RARB: variants seen among roughly 807,000 people sequenced by gnomAD.
RARB encodes the protein retinoic acid receptor beta.
In RARB, 17 loss-of-function variants were observed where a neutral mutation model predicts 51.9. The observed-to-expected ratio is 0.33, with a 90% CI of 0.22 to 0.49. The LOEUF is 0.49. RARB is among the 20% of genes least tolerant of loss of function. The pLI is 0.99. For synonymous variants in RARB, 215 were observed against 195.4 expected (o/e 1.10, Z -0.84); for missense variants, 369 against 550.8 (o/e 0.67, Z 3.30).
At chr3:25,507,307 CT>C (rs78358382) in intron 3 of RARB, among the ~76,000 whole-genome samples, 63,620 of 152,018 alleles carry the variant, frequency 0.42, 16,511 homozygotes, top group South Asian at 0.64. Context: ...TTCTCCCTGG[CT>C]TTACTTTCTG....
At chr3:25,437,885 T>G (rs1559401787) in intron 1 of RARB, among the ~76,000 whole-genome samples, 1 of 152,228 alleles carries the variant, frequency 6.6e-6, no homozygotes, top group Non-Finnish European at 1.5e-5. Context: ...ATGGGTTTGA[T>G]TCTATTGGAT....
At chr3:24,911,228 A>G (rs968954116) in intron 2 of RARB, among the ~76,000 whole-genome samples, 53 of 152,222 alleles carry the variant, frequency 3.5e-4, no homozygotes, top group African/African-American at 3.1e-4. Context: ...TGTAGTACTC[A>G]GTAAAAGAGA....
chr3:25,119,230 T>C (rs1398429469), intron 3 of RARB, among the ~76,000 whole-genome samples: 1 of 152,136 alleles, frequency 6.6e-6, no homozygotes, highest in Non-Finnish European at 1.5e-5. Context: ...AACAGGATGC[T>C]TGGTTCTGTT....
intron 5 of RARB, among the ~76,000 whole-genome samples, chr3:25,354,299 A>G (rs1174410813): frequency 6.6e-6 from 1 of 152,100 alleles, no homozygotes; most frequent in Non-Finnish European, 1.5e-5. Flanking sequence ...GAAGACAGTA[A>G]TCAGGAAAAT....
At chr3:25,256,871 C>CTTCA (rs375138166) in intron 5 of RARB, among the ~76,000 whole-genome samples, 1 of 151,688 alleles carries the variant, frequency 6.6e-6, no homozygotes, top group Non-Finnish European at 1.5e-5. Context: ...TTTTAGAGGT[C>CTTCA]GTGAAGGATA....
chr3:24,951,421 A>T (rs935463835), intron 2 of RARB, among the ~76,000 whole-genome samples: 1 of 152,208 alleles, frequency 6.6e-6, no homozygotes, highest in Non-Finnish European at 1.5e-5. Context: ...GTCTTAGGGC[A>T]TCGGACACTC....
chr3:25,162,132 T>A (rs997133481), intron 4 of RARB, among the ~76,000 whole-genome samples: 1 of 152,118 alleles, frequency 6.6e-6, no homozygotes, highest in Non-Finnish European at 1.5e-5. Flanking sequence ...AGAGACAGAC[T>A]CTCCCTCTGT....
At chr3:25,356,675 C>T (rs546578717) in intron 5 of RARB, among the ~76,000 whole-genome samples, 1 of 152,210 alleles carries the variant, frequency 6.6e-6, no homozygotes, top group South Asian at 2.1e-4. Flanking sequence ...GCCCCCCATT[C>T]CCTGACAGGC....
At chr3:25,208,754 T>G (rs1181461805) in intron 5 of RARB, among the ~76,000 whole-genome samples, 1 of 152,122 alleles carries the variant, frequency 6.6e-6, no homozygotes, top group Admixed American at 6.6e-5. Flanking sequence ...ATTGAGCCCC[T>G]CACATGTTGG....
rs557020455 is a variant in RARB, at chr3:25,359,861, C to T, written c.179-101332C>T. 4.6e-5 allele frequency among the ~76,000 whole-genome samples: 7 copies of T among 152,204 alleles called. No individual in the cohort carries two copies. The South Asian group carries it at 1.5e-3, about 32-fold the overall frequency. On this transcript the variant is annotated intron_variant, in intron 5 of 11. Coordinates refer to the RARB transcript ENST00000383772. ...GAGACTGTTTGTTATGATTTCTGTTCTTTTGCATTTGCTGAGGAATGTTTT... is the reference window on the plus strand; with the variant it reads ...GAGACTGTTTGTTATGATTTCTGTTTTTTTGCATTTGCTGAGGAATGTTTT...
At chr3:25,124,945 G>C (rs923532215) in intron 3 of RARB, among the ~76,000 whole-genome samples, 1 of 152,174 alleles carries the variant, frequency 6.6e-6, no homozygotes, top group African/African-American at 2.4e-5. Flanking sequence ...AAGAAGGCAA[G>C]TGATTTTAAG....
chr3:25,473,910 A>G (rs1291486884), intron 2 of RARB, among the ~76,000 whole-genome samples: 1 of 53,908 alleles, frequency 1.9e-5, no homozygotes, highest in African/African-American at 6.3e-5. Flanking sequence ...GGTATTTTCT[A>G]TGTCTGGCAG....
upstream of RARB, among the ~76,000 whole-genome samples, chr3:25,425,131 A>G (rs1162309298): frequency 1.3e-5 from 2 of 152,256 alleles, no homozygotes; most frequent in African/African-American, 2.4e-5. Flanking sequence ...ATTTTATGCC[A>G]TAACAAGAAG....
intron 2 of RARB, among the ~76,000 whole-genome samples, chr3:24,936,467 C>A (rs943403233): frequency 1.3e-5 from 2 of 152,090 alleles, no homozygotes; most frequent in Non-Finnish European, 2.9e-5. Context: ...ATTAGGTTAA[C>A]CAAGAGTCTT....
chr3:24,932,879 G>A (rs1244382469), intron 2 of RARB, among the ~76,000 whole-genome samples: 1 of 151,940 alleles, frequency 6.6e-6, no homozygotes, highest in Non-Finnish European at 1.5e-5. Flanking sequence ...TTATTTTCCT[G>A]CTCAGAAAGT....
At chr3:24,833,516 G>T (rs1160026132) in intron 1 of RARB, among the ~76,000 whole-genome samples, 2 of 152,120 alleles carry the variant, frequency 1.3e-5, no homozygotes, top group Admixed American at 1.3e-4. Flanking sequence ...TGGCCTCTGA[G>T]CTTCAGCAAC....
intron 2 of RARB, among the ~76,000 whole-genome samples, chr3:24,940,588 A>AT (rs1388686477): frequency 2.0e-5 from 3 of 152,060 alleles, no homozygotes; most frequent in African/African-American, 7.2e-5. Flanking sequence ...TTGCATCTCT[A>AT]TGGCAGTACT....
intron 2 of RARB, among the ~76,000 whole-genome samples, chr3:24,905,373 A>G (rs1361910347): frequency 1.3e-5 from 2 of 152,220 alleles, no homozygotes; most frequent in African/African-American, 4.8e-5. Flanking sequence ...TTTCAGCACA[A>G]GACAAAAATA....
intron 3 of RARB, among the ~76,000 whole-genome samples, chr3:25,108,482 G>C (rs1444213036): frequency 6.6e-6 from 1 of 152,150 alleles, no homozygotes; most frequent in Non-Finnish European, 1.5e-5. Context: ...AGAAGAAACA[G>C]ATAGATAAAT....
Sources: gnomAD v4.1 joint callset for allele counts (sites outside exome capture counted in the v4.1 genomes callset) on GRCh38, gnomAD v4.1.1 for gene constraint, MANE v1.5 for transcripts, NCBI Gene and HGNC (gene_info 2026-07-23, HGNC 2026-07-21) for gene names.